Variants in CDKAL1 observed in about 807,000 individuals in gnomAD.
CDKAL1 encodes the protein CDKAL1 threonylcarbamoyladenosine tRNA methylthiotransferase.
Under a neutral mutation model 68.2 loss-of-function variants are expected in CDKAL1, and 32 were observed. The observed-to-expected ratio is 0.47, with a 90% CI of 0.35 to 0.63. The LOEUF (loss-of-function observed/expected upper bound fraction) is 0.63. Ranked by LOEUF, CDKAL1 falls within the 30% of genes least tolerant of loss-of-function variation. CDKAL1 has a pLI of 0.00. For synonymous variants in CDKAL1, 234 were observed against 244.3 expected (o/e 0.96, Z 0.39); for missense variants, 606 against 696.7 (o/e 0.87, Z 1.47).
At chr6:20,546,548 A>T (rs1352625564) in intron 3 of CDKAL1, 25 bp downstream of exon 3, 2 of 1,596,336 alleles carry the variant, frequency 1.3e-6, no homozygotes, top group Non-Finnish European at 1.7e-6. Flanking sequence ...TTGAAATTAT[A>T]TTCATTTTCT....
intron 11 of CDKAL1, among the ~76,000 whole-genome samples, chr6:21,006,556 T>C (rs998020911): frequency 3.9e-5 from 6 of 152,250 alleles, no homozygotes; most frequent in Admixed American, 3.9e-4. Context: ...GTGAAGTTCT[T>C]TTCCCTTCTC....
At chr6:20,610,840 T>G (rs1766587478) in intron 4 of CDKAL1, among the ~76,000 whole-genome samples, 1 of 152,238 alleles carries the variant, frequency 6.6e-6, no homozygotes, top group African/African-American at 2.4e-5. Flanking sequence ...TGTTTCATAC[T>G]TGTTGGAATG....
chr6:20,614,886 G>A (rs1372789002), intron 4 of CDKAL1, among the ~76,000 whole-genome samples: 3 of 149,136 alleles, frequency 2.0e-5, no homozygotes, highest in Non-Finnish European at 3.0e-5. Context: ...CCACTAACTC[G>A]TCATCTAGCA....
chr6:20,752,054 T>A (rs1581508413), intron 6 of CDKAL1, among the ~76,000 whole-genome samples: 1 of 151,866 alleles, frequency 6.6e-6, no homozygotes, highest in African/African-American at 2.4e-5. Context: ...TTTCTTCTGA[T>A]GTTTTCCTCT....
intron 8 of CDKAL1, among the ~76,000 whole-genome samples, chr6:20,842,780 G>T (rs900714074): frequency 5.3e-5 from 8 of 152,142 alleles, no homozygotes; most frequent in African/African-American, 1.9e-4. Context: ...GCAGTGAGCC[G>T]AGATCACGAC....
intron 4 of CDKAL1, among the ~76,000 whole-genome samples, chr6:20,638,072 C>G (rs1294591647): frequency 6.6e-6 from 1 of 152,106 alleles, no homozygotes; most frequent in African/African-American, 2.4e-5. Context: ...AGGTGAACTG[C>G]TAGGTCTGAG....
chr6:20,579,535 A>C (rs897092007), intron 4 of CDKAL1, among the ~76,000 whole-genome samples: 1 of 152,192 alleles, frequency 6.6e-6, no homozygotes, highest in Non-Finnish European at 1.5e-5. Flanking sequence ...TATGTATATT[A>C]ATTCTCAAAA....
intron 8 of CDKAL1, among the ~76,000 whole-genome samples, chr6:20,808,704 T>G (rs987702159): frequency 6.6e-6 from 1 of 152,012 alleles, no homozygotes; most frequent in Non-Finnish European, 1.5e-5. Flanking sequence ...GAAGATGGGA[T>G]TGGATGTATG....
At chr6:20,783,018 C>T (rs1190320187) in intron 8 of CDKAL1, among the ~76,000 whole-genome samples, 1 of 152,010 alleles carries the variant, frequency 6.6e-6, no homozygotes, top group East Asian at 1.9e-4. Context: ...GCAACCTCTG[C>T]CTCCGGGTTC....
At chr6:21,091,067 G>A (rs1238038779) in intron 12 of CDKAL1, among the ~76,000 whole-genome samples, 1 of 152,182 alleles carries the variant, frequency 6.6e-6, no homozygotes, top group Non-Finnish European at 1.5e-5. Context: ...GATGTGCTGT[G>A]ACTGCAGGCA....
At chr6:20,745,440 C>T (rs545439491) in intron 6 of CDKAL1, among the ~76,000 whole-genome samples, 1 of 152,220 alleles carries the variant, frequency 6.6e-6, no homozygotes, top group East Asian at 1.9e-4. Flanking sequence ...TTTCTTCTTG[C>T]CATGTTCTAT....
chr6:20,992,196 T>A (rs189629865), intron 10 of CDKAL1, among the ~76,000 whole-genome samples: 11,604 of 139,554 alleles, frequency 0.083, 1,170 homozygotes, highest in African/African-American at 0.2. Context: ...GTCAGCTTTT[T>A]TATATATATA....
Position 20,910,637 on chromosome 6 carries a change from C to G in CDKAL1, c.743-44782C>G, listed in dbSNP as rs1312737688. ...TGATTTGCTGGCTTTTTTGATGGAGCATGGTGTTGTGGGTTAAATAGTGTC... is the reference window on the plus strand; with the variant it reads ...TGATTTGCTGGCTTTTTTGATGGAGGATGGTGTTGTGGGTTAAATAGTGTC... On this transcript the variant is annotated intron_variant, in intron 9 of 15. Transcript: ENST00000274695. Among the ~76,000 whole-genome samples the G allele has an allele frequency of 3.3e-5, 5 of 152,214 alleles. No individual in the cohort carries two copies. In the East Asian group the frequency reaches 7.7e-4, roughly 24 times the overall value.
intron 2 of CDKAL1, 53 bp downstream of exon 2, chr6:20,535,447 TG>T (rs1332249537): frequency 2.0e-5 from 3 of 152,470 alleles, no homozygotes; most frequent in African/African-American, 7.2e-5. Flanking sequence ...TATTTCTGCA[TG>T]TTAGAAAATG....
At chr6:20,545,046 T>C (rs1763544006) in intron 2 of CDKAL1, among the ~76,000 whole-genome samples, 1 of 152,016 alleles carries the variant, frequency 6.6e-6, no homozygotes, top group African/African-American at 2.4e-5. Flanking sequence ...TCTGTCTTCC[T>C]AGGCTGCCCT....
chr6:21,216,613 T>C (rs1279168436), intron 15 of CDKAL1, among the ~76,000 whole-genome samples: 3 of 152,104 alleles, frequency 2.0e-5, no homozygotes, highest in Non-Finnish European at 2.9e-5. Flanking sequence ...AAAGGAAACG[T>C]GCTAATGGAG....
intron 4 of CDKAL1, among the ~76,000 whole-genome samples, chr6:20,572,272 A>G (rs1209775453): frequency 2.6e-5 from 4 of 152,146 alleles, no homozygotes; most frequent in African/African-American, 9.7e-5. Context: ...TAGCCTGTCT[A>G]ATGCTTAAGT....
intron 4 of CDKAL1, among the ~76,000 whole-genome samples, chr6:20,600,542 A>G (rs1476214487): frequency 6.6e-6 from 1 of 152,002 alleles, no homozygotes; most frequent in Non-Finnish European, 1.5e-5. Flanking sequence ...CTCAGGATAA[A>G]TACCACTTTT....
intron 11 of CDKAL1, among the ~76,000 whole-genome samples, chr6:21,029,999 T>C (rs1269339090): frequency 1.3e-5 from 2 of 152,152 alleles, no homozygotes; most frequent in African/African-American, 4.8e-5. Flanking sequence ...GGAATATAAA[T>C]CATTCTACTG....
Sources: gnomAD v4.1 joint callset for allele counts (sites outside exome capture counted in the v4.1 genomes callset) on GRCh38, gnomAD v4.1.1 for gene constraint, MANE v1.5 for transcripts, NCBI Gene and HGNC (gene_info 2026-07-23, HGNC 2026-07-21) for gene names.